Variants in CNBD1 observed in about 807,000 individuals in gnomAD.
The protein encoded by CNBD1 is cyclic nucleotide binding domain containing 1, also known as cyclic nucleotide-binding domain-containing protein 1.
Under a neutral mutation model 54.4 loss-of-function variants are expected in CNBD1, and 71 were observed. The observed-to-expected ratio is 1.30, with a 90% CI of 1.08 to 1.59. CNBD1 has a LOEUF of 1.59. Among genes scored for constraint, CNBD1 ranks in the 40% most tolerant of loss-of-function variants. The pLI, the probability that CNBD1 is intolerant of heterozygous loss-of-function variation, is 0.00. For missense variants in CNBD1, 659 were observed against 518.0 expected (o/e 1.27, Z -2.64); for synonymous variants, 182 against 170.7 (o/e 1.07, Z -0.51).
chr8:87,428,182 C>CA (rs1808082985), intron 2 of CNBD1, among the ~76,000 whole-genome samples: 1 of 149,474 alleles, frequency 6.7e-6, no homozygotes, highest in South Asian at 2.1e-4. Flanking sequence ...AAAACAAAAA[C>CA]AAAAAACCCA....
chr8:87,239,294 G>C (rs1294591023), intron 6 of CNBD1, among the ~76,000 whole-genome samples: 1 of 152,072 alleles, frequency 6.6e-6, no homozygotes, highest in Non-Finnish European at 1.5e-5. Context: ...AAGTATCCTT[G>C]CTAACCCTGT....
Position 87,131,985 on chromosome 8 carries a change from T to G in CNBD1, c.432-74008T>G, listed in dbSNP as rs139960960. ...CTTCATTCTTGTAGGATATTTTCAC[T>G]GGATTTATAATTCTTAGTTCTCAGT... is the stretch of plus-strand genomic sequence containing the variant. On this transcript the variant is annotated intron_variant, in intron 4 of 10. Transcript: ENST00000518476. Among the ~76,000 whole-genome samples, 419 of 152,170 alleles carry G rather than the reference T, an allele frequency of 2.8e-3. 2 individuals carry two copies. Among genetic ancestry groups the G allele is most frequent in the African/African-American group, 9.3e-3 (387 of 41,560 alleles).
chr8:87,395,055 GT>G lies in CNBD1; in HGVS notation c.214-33483del, dbSNP rs199731998. Among the ~76,000 whole-genome samples, 1,350 of 151,684 alleles carry G rather than the reference GT, an allele frequency of 8.9e-3. 18 individuals carry two copies. The highest frequency in any genetic ancestry group is 0.029 in the African/African-American group (1,220 of 41,420). ...ACAGCTCAAAAGCACTTCGCTTAAT[GT>G]TTTTTTTACTCAAAATACAATAACA... is the stretch of plus-strand genomic sequence containing the variant. On this transcript the variant is annotated intron_variant, in intron 2 of 7. Coordinates refer to the CNBD1 transcript ENST00000521593.
chr8:87,045,971 G>A (rs902439359), intron 4 of CNBD1, among the ~76,000 whole-genome samples: 7 of 150,682 alleles, frequency 4.6e-5, no homozygotes, highest in African/African-American at 1.7e-4. Flanking sequence ...AATCTGGGGG[G>A]CGGAGGTTGC....
At position 87,317,970 on chromosome 8, in the gene CNBD1, C is replaced by T. The variant is rs538317946; in HGVS notation, c.1042+31299C>T. ...TCTTCAAGTTCACCAATATTTTCTT[C>T]TGCAGTGTCTAATCTACTGTACATC... On this transcript the variant is annotated intron_variant, in intron 8 of 10. Coordinates refer to ENST00000518476, the MANE Select transcript of CNBD1 (RefSeq NM_173538.3). Among the ~76,000 whole-genome samples the T allele has an allele frequency of 1.2e-4, 18 of 151,958 alleles. No individual in the cohort carries two copies. In the East Asian group the frequency reaches 3.3e-3, roughly 28 times the overall value.
chr8:87,381,301 C>A (rs920834997), intron 10 of CNBD1, among the ~76,000 whole-genome samples: 1 of 151,730 alleles, frequency 6.6e-6, no homozygotes, highest in Non-Finnish European at 1.5e-5. Context: ...ATGCCACTAA[C>A]AGGAAAATGC....
chr8:87,324,447 T>A (rs1045698212), intron 8 of CNBD1, among the ~76,000 whole-genome samples: 14 of 146,370 alleles, frequency 9.6e-5, no homozygotes, highest in Non-Finnish European at 1.4e-4. Context: ...CTCTTTTTGG[T>A]TGGTAAACTA....
intron 5 of CNBD1, among the ~76,000 whole-genome samples, chr8:87,228,402 T>G (rs1236690221): frequency 3.4e-5 from 5 of 148,986 alleles, no homozygotes; most frequent in Non-Finnish European, 7.4e-5. Context: ...ATGATGGTGA[T>G]GTACAGATGG....
Position 86,967,566 on chromosome 8 carries a change from CA to C in CNBD1, c.431+27813del, listed in dbSNP as rs1312228358. ...TCTTCTATCTCAGAGATTCTTTCCT[CA>C]GCTGTCTGCTAATGAGACCATCAAA... On this transcript the variant is annotated intron_variant, in intron 4 of 10. Coordinates refer to ENST00000518476, the MANE Select transcript of CNBD1 (RefSeq NM_173538.3). Among the ~76,000 whole-genome samples, 8 of 152,368 alleles carry C rather than the reference CA, an allele frequency of 5.3e-5. No individual in the cohort carries two copies. In the South Asian group the frequency reaches 1.7e-3, roughly 32 times the overall value.
chr8:87,016,920 G>A (rs1421122280), intron 4 of CNBD1, among the ~76,000 whole-genome samples: 1 of 152,198 alleles, frequency 6.6e-6, no homozygotes, highest in Admixed American at 6.5e-5. Flanking sequence ...TGTTGGACTA[G>A]CTTTATGATA....
chr8:87,408,179 A>C (rs542722573), intron 2 of CNBD1, among the ~76,000 whole-genome samples: 1 of 152,016 alleles, frequency 6.6e-6, no homozygotes, highest in East Asian at 1.9e-4. Flanking sequence ...TTACCTCCTC[A>C]AACATTGCTT....
chr8:87,001,829 A>G (rs1189408918), intron 4 of CNBD1, among the ~76,000 whole-genome samples: 2 of 152,148 alleles, frequency 1.3e-5, no homozygotes, highest in Non-Finnish European at 2.9e-5. Flanking sequence ...CCATTGTGAC[A>G]TATCACAGAT....
chr8:87,226,150 G>GC (rs1381372425), intron 5 of CNBD1, among the ~76,000 whole-genome samples: 1 of 151,782 alleles, frequency 6.6e-6, no homozygotes, highest in Non-Finnish European at 1.5e-5. Flanking sequence ...TATTAGTCTT[G>GC]CTAGTGGTCT....
intron 4 of CNBD1, among the ~76,000 whole-genome samples, chr8:86,972,243 C>T (rs914133194): frequency 3.9e-5 from 6 of 152,154 alleles, no homozygotes; most frequent in Non-Finnish European, 8.8e-5. Context: ...AGCCACCGTG[C>T]CTGGCCTAAA....
intron 1 of CNBD1, among the ~76,000 whole-genome samples, chr8:86,868,492 C>T (rs1808394783): frequency 6.6e-6 from 1 of 151,948 alleles, no homozygotes; most frequent in South Asian, 2.1e-4. Flanking sequence ...ACAGGTGTGC[C>T]TGGCTAATTT....
chr8:86,946,033 A>G (rs1159175499), intron 4 of CNBD1, among the ~76,000 whole-genome samples: 1 of 152,166 alleles, frequency 6.6e-6, no homozygotes, highest in Non-Finnish European at 1.5e-5. Context: ...TTTATTCACA[A>G]AGTTAGAATG....
At chr8:87,222,233 T>G (rs1312050537) in intron 5 of CNBD1, among the ~76,000 whole-genome samples, 1 of 152,142 alleles carries the variant, frequency 6.6e-6, no homozygotes, top group Admixed American at 6.6e-5. Context: ...AAAGAGTTGA[T>G]CTTCAAATAT....
intron 3 of CNBD1, among the ~76,000 whole-genome samples, chr8:86,926,414 A>G (rs1413083969): frequency 6.6e-6 from 1 of 152,180 alleles, no homozygotes; most frequent in Non-Finnish European, 1.5e-5. Flanking sequence ...TTGTAAGACC[A>G]TCTGTAGCTT....
intron 1 of CNBD1, among the ~76,000 whole-genome samples, chr8:86,868,084 T>C (rs930704660): frequency 2.0e-5 from 3 of 152,186 alleles, no homozygotes; most frequent in Non-Finnish European, 4.4e-5. Flanking sequence ...AAGCACTGAT[T>C]GTCTCACTGC....
Sources: gnomAD v4.1 joint callset for allele counts (sites outside exome capture counted in the v4.1 genomes callset) on GRCh38, gnomAD v4.1.1 for gene constraint, MANE v1.5 for transcripts, NCBI Gene and HGNC (gene_info 2026-07-23, HGNC 2026-07-21) for gene names.